MYO16: variants seen among roughly 807,000 people sequenced by gnomAD.
The protein encoded by MYO16 is myosin XVI, also known as unconventional myosin-XVI.
MYO16 carries 94 observed loss-of-function variants against 205.3 expected under a neutral mutation model. The ratio of observed to expected loss-of-function variants is 0.46; its 90% CI spans 0.39 to 0.54. MYO16 has a LOEUF of 0.54. MYO16 is among the 20% of genes least tolerant of loss of function. The pLI is 0.00. For missense variants in MYO16, 2,315 were observed against 2,387.5 expected, an observed-to-expected ratio of 0.97 and a Z score of 0.63; for synonymous variants, 988 against 954.0, an observed-to-expected ratio of 1.04 and a Z score of -0.66.
At chr13:108,700,760 G>C (rs1456940001) in intron 2 of MYO16, among the ~76,000 whole-genome samples, 6 of 152,150 alleles carry the variant, frequency 3.9e-5, no homozygotes, top group Non-Finnish European at 8.8e-5. Context: ...AAAACACTTA[G>C]AAGGAAAACC....
intron 1 of MYO16, among the ~76,000 whole-genome samples, chr13:108,633,914 T>G (rs1213003851): frequency 3.3e-5 from 5 of 152,232 alleles, no homozygotes; most frequent in Admixed American, 3.3e-4. Flanking sequence ...CATATCCTGC[T>G]CTCCGCCTGG....
chr13:108,968,220 A>G (rs1261211334), intron 20 of MYO16, among the ~76,000 whole-genome samples: 1 of 152,186 alleles, frequency 6.6e-6, no homozygotes, highest in Non-Finnish European at 1.5e-5. Flanking sequence ...CATGTGCTCA[A>G]CTTTGCTCAG....
At chr13:108,946,670 T>C (rs1882954010) in intron 16 of MYO16, among the ~76,000 whole-genome samples, 2 of 152,016 alleles carry the variant, frequency 1.3e-5, no homozygotes, top group Admixed American at 6.6e-5. Context: ...GAGAAGAGAG[T>C]GTATTGGTCA....
At position 109,077,008 on chromosome 13, in the gene MYO16, T is replaced by TG. The variant is rs1555329683; in HGVS notation, c.3335+21415dup. Among the ~76,000 whole-genome samples the TG allele has an allele frequency of 1.1e-4, 16 of 143,406 alleles. 2 individuals are homozygous for TG. The highest frequency in any genetic ancestry group is 2.1e-4 in the Admixed American group (3 of 14,290). 94.1% of individuals were successfully genotyped at this position (143,406 alleles called of 152,430 possible). A position where few individuals can be genotyped will look rare whatever the true frequency, so the allele number is the denominator to read the frequency against. On this transcript the variant is annotated intron_variant, in intron 27 of 34. Coordinates refer to ENST00000457511, the MANE Select transcript of MYO16 (RefSeq NM_001198950.3). ...ATTTGTTTACACTTTTTTTTTTTTT[T>TG]GGAGATGGAGTCTCGCTCTGTCGCC...
chr13:108,758,162 G>A (rs976098962), intron 4 of MYO16, among the ~76,000 whole-genome samples: 1 of 152,120 alleles, frequency 6.6e-6, no homozygotes, highest in South Asian at 2.1e-4. Flanking sequence ...ACTTGGTCTC[G>A]GACATCCAGT....
intron 20 of MYO16, among the ~76,000 whole-genome samples, chr13:108,976,219 A>G (rs890809775): frequency 6.6e-6 from 1 of 152,164 alleles, no homozygotes; most frequent in Non-Finnish European, 1.5e-5. Flanking sequence ...TCCCAGGAAA[A>G]TATCTGACCA....
the MYO16 span, among the ~76,000 whole-genome samples, chr13:108,586,485 GA>G: frequency 1.3e-5 from 2 of 152,104 alleles, no homozygotes; most frequent in Non-Finnish European, 2.9e-5. Flanking sequence ...TGTATCCAAA[GA>G]AAAAGAGCAT....
chr13:108,745,917 G>A (rs1283561752), intron 4 of MYO16, among the ~76,000 whole-genome samples: 1 of 152,180 alleles, frequency 6.6e-6, no homozygotes, highest in Non-Finnish European at 1.5e-5. Context: ...GCCGGGCGCG[G>A]TGGCTCACGC....
chr13:108,924,742 A>G (rs1881907999), intron 16 of MYO16, among the ~76,000 whole-genome samples: 1 of 152,164 alleles, frequency 6.6e-6, no homozygotes. Context: ...CTTCCCAGCA[A>G]CACAGCATGG....
At chr13:108,565,075 C>A in the MYO16 span, among the ~76,000 whole-genome samples, 1 of 152,174 alleles carries the variant, frequency 6.6e-6, no homozygotes, top group Non-Finnish European at 1.5e-5. Context: ...AATTTGAAGT[C>A]ACGTAATATG....
At chr13:108,682,811 C>T (rs1882517682) in intron 2 of MYO16, among the ~76,000 whole-genome samples, 1 of 152,050 alleles carries the variant, frequency 6.6e-6, no homozygotes, top group Non-Finnish European at 1.5e-5. Flanking sequence ...AAGTCTTGCT[C>T]TTTTTATGGG....
At chr13:109,178,682 G>A (rs750479988) in intron 33 of MYO16, among the ~76,000 whole-genome samples, 11 of 152,078 alleles carry the variant, frequency 7.2e-5, no homozygotes, top group African/African-American at 9.7e-5. Context: ...TTCTCAGCCC[G>A]TGTAGGAGGG....
At chr13:109,003,896 A>G (rs1391838256) in intron 21 of MYO16, among the ~76,000 whole-genome samples, 1 of 152,336 alleles carries the variant, frequency 6.6e-6, no homozygotes, top group African/African-American at 2.4e-5. Context: ...CAAAATAACA[A>G]AAGAATTGTA....
chr13:108,600,461 A>G (rs1281208128), intron 1 of MYO16, among the ~76,000 whole-genome samples: 1 of 152,192 alleles, frequency 6.6e-6, no homozygotes, highest in East Asian at 1.9e-4. Flanking sequence ...CTTTGTTAAC[A>G]TTGTATTATT....
intron 13 of MYO16, among the ~76,000 whole-genome samples, chr13:108,883,907 G>A (rs140296211): frequency 6.6e-6 from 1 of 152,144 alleles, no homozygotes; most frequent in Non-Finnish European, 1.5e-5. Flanking sequence ...TTACAGACAT[G>A]GGCCACTGCA....
intron 32 of MYO16, among the ~76,000 whole-genome samples, chr13:109,160,057 G>C (rs543588013): frequency 2.6e-5 from 4 of 152,202 alleles, no homozygotes; most frequent in Non-Finnish European, 5.9e-5. Context: ...TTCTAGGTTG[G>C]GGGACCGTCC....
rs554009702 is a variant in MYO16, at chr13:109,202,541, G to A, written c.5416-4068G>A. Among the ~76,000 whole-genome samples, 33 of 152,092 alleles carry A rather than the reference G, an allele frequency of 2.2e-4. No individual in the cohort carries two copies. In the South Asian group the frequency reaches 3.3e-3, roughly 15 times the overall value. On this transcript the variant is annotated intron_variant, in intron 34 of 34. Coordinates refer to ENST00000457511, the MANE Select transcript of MYO16 (RefSeq NM_001198950.3). ...TCTACTCAAGTCCTTAGCCCACTTC[G>A]AAAGAAATTATAGATGATGCGAACA...
intron 30 of MYO16, among the ~76,000 whole-genome samples, chr13:109,126,783 A>G (rs943223444): frequency 2.6e-5 from 4 of 152,208 alleles, no homozygotes; most frequent in African/African-American, 9.6e-5. Flanking sequence ...GGAGAAGGAG[A>G]ACACTGAAAT....
At chr13:108,583,308 TAA>T in the MYO16 span, among the ~76,000 whole-genome samples, 5 of 152,334 alleles carry the variant, frequency 3.3e-5, no homozygotes, top group African/African-American at 7.2e-5. Flanking sequence ...GGAGATGGAA[TAA>T]AGACTCATGC....
Sources: gnomAD v4.1 joint callset for allele counts (sites outside exome capture counted in the v4.1 genomes callset) on GRCh38, gnomAD v4.1.1 for gene constraint, MANE v1.5 for transcripts, NCBI Gene and HGNC (gene_info 2026-07-23, HGNC 2026-07-21) for gene names.